ROBO2: variants seen among roughly 807,000 people sequenced by gnomAD.
ROBO2 encodes the protein roundabout guidance receptor 2.
In ROBO2, 53 loss-of-function variants were observed where a neutral mutation model predicts 160.8. That is an observed-to-expected ratio of 0.33 (90% CI 0.26 to 0.41). The LOEUF is 0.41. Ranked by LOEUF, ROBO2 falls within the 10% of genes least tolerant of loss-of-function variation. The pLI, the probability that ROBO2 is intolerant of heterozygous loss-of-function variation, is 1.00. For missense variants in ROBO2, 1,577 were observed against 1,722.4 expected (o/e 0.92, Z 1.49); for synonymous variants, 664 against 611.7 (o/e 1.09, Z -1.26).
intron 2 of ROBO2, among the ~76,000 whole-genome samples, chr3:76,865,371 C>T (rs1441563284): frequency 6.6e-6 from 1 of 152,062 alleles, no homozygotes; most frequent in Non-Finnish European, 1.5e-5. Context: ...TCAAGAGCAT[C>T]AAATAACTGT....
chr3:76,624,275 G>A (rs771905142), intron 2 of ROBO2, among the ~76,000 whole-genome samples: 6 of 152,078 alleles, frequency 3.9e-5, no homozygotes, highest in Admixed American at 6.5e-5. Context: ...GGTCAAGAAC[G>A]GGCAGAACCT....
At chr3:77,364,280 T>C (rs1375263509) in intron 2 of ROBO2, among the ~76,000 whole-genome samples, 6 of 152,054 alleles carry the variant, frequency 3.9e-5, no homozygotes, top group Admixed American at 6.6e-5. Flanking sequence ...TTTTTAATAT[T>C]ATCTAGTGTG....
intron 2 of ROBO2, among the ~76,000 whole-genome samples, chr3:77,277,149 C>CT (rs2059889547): frequency 1.0e-5 from 1 of 99,952 alleles, no homozygotes; most frequent in Non-Finnish European, 2.1e-5. Flanking sequence ...TCCTTCTTTC[C>CT]TTCTTTCCTT....
chr3:77,239,950 A>T (rs1183296802), intron 2 of ROBO2, among the ~76,000 whole-genome samples: 3 of 152,182 alleles, frequency 2.0e-5, no homozygotes, highest in African/African-American at 7.2e-5. Flanking sequence ...CAGAGTGCTG[A>T]TTGGTGCATA....
At chr3:77,440,584 A>C (rs1351105173) in intron 2 of ROBO2, among the ~76,000 whole-genome samples, 1 of 152,230 alleles carries the variant, frequency 6.6e-6, no homozygotes, top group African/African-American at 2.4e-5. Context: ...ATTAGAAATA[A>C]TATGAAGAAT....
intron 12 of ROBO2, among the ~76,000 whole-genome samples, chr3:77,567,474 G>C (rs187792099): frequency 1.3e-5 from 2 of 151,742 alleles, no homozygotes; most frequent in Non-Finnish European, 2.9e-5. Flanking sequence ...TTAATGGACC[G>C]AGAATATAAA....
intron 2 of ROBO2, among the ~76,000 whole-genome samples, chr3:76,640,774 T>C (rs9867514): frequency 0.33 from 50,147 of 151,638 alleles, 10,180 homozygotes; most frequent in African/African-American, 0.58. Flanking sequence ...AATTCTGGAG[T>C]TGGAGCAGGC....
intron 2 of ROBO2, among the ~76,000 whole-genome samples, chr3:76,740,954 A>T (rs757898995): frequency 1.7e-4 from 26 of 152,080 alleles, no homozygotes; most frequent in Non-Finnish European, 3.1e-4. Context: ...TATCCTTATT[A>T]TTTTAAGAAA....
intron 2 of ROBO2, among the ~76,000 whole-genome samples, chr3:76,476,677 A>G (rs748131323): frequency 3.3e-5 from 5 of 152,152 alleles, no homozygotes; most frequent in African/African-American, 4.8e-5. Context: ...CTACAAGCCC[A>G]GGATTTAAGG....
intron 2 of ROBO2, among the ~76,000 whole-genome samples, chr3:77,161,001 T>G (rs776774627): frequency 5.9e-5 from 9 of 152,174 alleles, no homozygotes; most frequent in Non-Finnish European, 2.9e-5. Context: ...CCTTTATGAC[T>G]GAGTGGTTAA....
At chr3:76,758,378 G>A (rs1343156039) in intron 2 of ROBO2, among the ~76,000 whole-genome samples, 1 of 151,794 alleles carries the variant, frequency 6.6e-6, no homozygotes, top group East Asian at 2.0e-4. Context: ...AAGCCGACCA[G>A]TAGTGTGAGG....
chr3:77,315,176 C>T (rs2063868477), intron 2 of ROBO2, among the ~76,000 whole-genome samples: 1 of 152,034 alleles, frequency 6.6e-6, no homozygotes. Context: ...ATAATATGAA[C>T]TTGGAACTAC....
At chr3:76,550,215 T>C (rs1308951276) in intron 2 of ROBO2, among the ~76,000 whole-genome samples, 2 of 152,328 alleles carry the variant, frequency 1.3e-5, no homozygotes, top group South Asian at 2.1e-4. Flanking sequence ...CACTTCTTGC[T>C]AACTCGCATT....
intron 2 of ROBO2, among the ~76,000 whole-genome samples, chr3:76,438,855 G>C (rs1416533160): frequency 6.6e-6 from 1 of 151,810 alleles, no homozygotes; most frequent in Non-Finnish European, 1.5e-5. Context: ...AAACATACGA[G>C]ATTTTGAGAT....
intron 2 of ROBO2, among the ~76,000 whole-genome samples, chr3:77,011,758 C>T (rs1559842606): frequency 6.6e-6 from 1 of 151,996 alleles, no homozygotes; most frequent in Non-Finnish European, 1.5e-5. Context: ...TTGTTAATTG[C>T]CCCTTTGTTA....
At chr3:77,623,325 A>T (rs867272893) in intron 23 of ROBO2, among the ~76,000 whole-genome samples, 5 of 152,120 alleles carry the variant, frequency 3.3e-5, no homozygotes, top group African/African-American at 1.2e-4. Flanking sequence ...TCATATCTGT[A>T]TTTACCGTGA....
chr3:77,016,162 G>A (rs1402816645), intron 2 of ROBO2, among the ~76,000 whole-genome samples: 1 of 151,992 alleles, frequency 6.6e-6, no homozygotes, highest in Non-Finnish European at 1.5e-5. Context: ...ATTTTTAGTA[G>A]AGACGGGGTT....
chr3:76,623,120 A>G (rs2089348074), intron 2 of ROBO2, among the ~76,000 whole-genome samples: 1 of 152,192 alleles, frequency 6.6e-6, no homozygotes, highest in African/African-American at 2.4e-5. Context: ...GTGCTCCCAT[A>G]CACTTGCGAC....
intron 2 of ROBO2, among the ~76,000 whole-genome samples, chr3:77,154,533 A>G (rs2077817797): frequency 6.6e-6 from 1 of 152,076 alleles, no homozygotes; most frequent in Non-Finnish European, 1.5e-5. Flanking sequence ...ATATATCCAA[A>G]AGAAAACAAA....
Sources: gnomAD v4.1 joint callset for allele counts (sites outside exome capture counted in the v4.1 genomes callset) on GRCh38, gnomAD v4.1.1 for gene constraint, MANE v1.5 for transcripts, NCBI Gene and HGNC (gene_info 2026-07-23, HGNC 2026-07-21) for gene names.